The following GLI3 variants were observed in gnomAD, a reference collection of about 807,000 sequenced individuals.
GLI3 encodes the protein GLI family zinc finger 3.
Under a neutral mutation model 100.8 loss-of-function variants are expected in GLI3, and 20 were observed. The ratio of observed to expected loss-of-function variants is 0.20; its 90% CI spans 0.14 to 0.29. The LOEUF (loss-of-function observed/expected upper bound fraction) is 0.29. GLI3 is among the 10% of genes least tolerant of loss of function. GLI3 has a pLI of 1.00. For synonymous variants in GLI3, 938 were observed against 860.5 expected, an observed-to-expected ratio of 1.09 and a Z score of -1.58; for missense variants, 2,040 against 2,128.5, an observed-to-expected ratio of 0.96 and a Z score of 0.82.
chr7:42,203,129 G>T (rs1788080302), intron 2 of GLI3, among the ~76,000 whole-genome samples: 1 of 152,138 alleles, frequency 6.6e-6, no homozygotes, highest in African/African-American at 2.4e-5. Context: ...AAAAAATTGT[G>T]TGTATTTATT....
chr7:42,020,797 G>A (rs1788914410), intron 10 of GLI3, among the ~76,000 whole-genome samples: 1 of 151,898 alleles, frequency 6.6e-6, no homozygotes, highest in African/African-American at 2.4e-5. Context: ...GGCTGAGGCA[G>A]GAGAATGGCG....
At position 42,237,017 on chromosome 7, in the gene GLI3, C is replaced by G. The variant is rs1341704153; in HGVS notation, c.-89G>C. 1 of 150,886 alleles carries G rather than the reference C, an allele frequency of 6.6e-6. No homozygotes were observed. The highest frequency in any genetic ancestry group is 1.5e-5 in the Non-Finnish European group (1 of 67,710). The allele number at this position is 150,886 out of a possible 1,614,324, so 9.3% of individuals were successfully genotyped here. A position where few individuals can be genotyped will look rare whatever the true frequency, so the allele number is the denominator to read the frequency against. ...AGTCCCCGAACTTCCCATAGACCCG[C>G]GGACGGGGCGCAGGCTGGCGGCTCC... On this transcript the variant is annotated 5_prime_UTR_variant, in exon 1 of 15. Coordinates refer to ENST00000395925, the MANE Select transcript of GLI3 (RefSeq NM_000168.6).
At chr7:42,132,559 T>C (rs1376521746) in intron 3 of GLI3, among the ~76,000 whole-genome samples, 2 of 152,196 alleles carry the variant, frequency 1.3e-5, no homozygotes, top group Non-Finnish European at 2.9e-5. Flanking sequence ...AATCAAATAG[T>C]CATCGCATAT....
intron 7 of GLI3, among the ~76,000 whole-genome samples, chr7:42,037,867 C>T (rs1184906505): frequency 6.6e-6 from 1 of 152,078 alleles, no homozygotes; most frequent in African/African-American, 2.4e-5. Flanking sequence ...GATGAGGAGA[C>T]CAGGAGACCG....
At chr7:42,156,930 GT>G (rs1787017320) in intron 2 of GLI3, among the ~76,000 whole-genome samples, 1 of 152,208 alleles carries the variant, frequency 6.6e-6, no homozygotes, top group African/African-American at 2.4e-5. Context: ...TATGTTGCAT[GT>G]TTTTGTTTTT....
At chr7:41,996,303 G>A (rs551978550) in intron 10 of GLI3, among the ~76,000 whole-genome samples, 15 of 149,426 alleles carry the variant, frequency 1.0e-4, no homozygotes, top group East Asian at 9.7e-4. Context: ...TTTTTTCCTC[G>A]AGTCCACATT....
intron 10 of GLI3, among the ~76,000 whole-genome samples, chr7:42,001,314 T>C (rs1788290696): frequency 2.0e-5 from 3 of 148,834 alleles, no homozygotes; most frequent in Admixed American, 2.0e-4. Context: ...AAAGCACAAG[T>C]TAACATAATT....
At chr7:42,107,264 G>A (rs994399796) in intron 3 of GLI3, among the ~76,000 whole-genome samples, 4 of 151,866 alleles carry the variant, frequency 2.6e-5, no homozygotes, top group African/African-American at 4.8e-5. Flanking sequence ...CCGGGAGGTC[G>A]GGGCTGCGTG....
intron 3 of GLI3, among the ~76,000 whole-genome samples, chr7:42,085,204 C>CG (rs1208530295): frequency 1.3e-5 from 2 of 152,020 alleles, no homozygotes; most frequent in Non-Finnish European, 2.9e-5. Context: ...GATCTAACTA[C>CG]GGAGACCCTG....
At chr7:42,060,182 C>G (rs2128746700) in intron 4 of GLI3, among the ~76,000 whole-genome samples, 1 of 152,280 alleles carries the variant, frequency 6.6e-6, no homozygotes, top group South Asian at 2.1e-4. Context: ...AAATGTTGGC[C>G]CCTACAACCA....
chr7:42,081,370 A>G (rs1784993548), intron 3 of GLI3, among the ~76,000 whole-genome samples: 1 of 152,196 alleles, frequency 6.6e-6, no homozygotes, highest in Admixed American at 6.5e-5. Flanking sequence ...CTTACACTAA[A>G]CAGAGATTTG....
chr7:41,971,296 C>A (rs1040866555), intron 13 of GLI3, among the ~76,000 whole-genome samples: 12 of 152,296 alleles, frequency 7.9e-5, no homozygotes, highest in Admixed American at 7.8e-4. Context: ...TCCGTGCATC[C>A]GGCAGTCTGA....
chr7:42,237,444 C>T (rs1428354730), upstream of GLI3, among the ~76,000 whole-genome samples: 1 of 152,082 alleles, frequency 6.6e-6, no homozygotes, highest in Non-Finnish European at 1.5e-5. Flanking sequence ...GCCTGGTGCC[C>T]CGTGCTGGGT....
chr7:42,077,932 G>T (rs538780837), intron 3 of GLI3, among the ~76,000 whole-genome samples: 1 of 152,132 alleles, frequency 6.6e-6, no homozygotes, highest in Admixed American at 6.5e-5. Flanking sequence ...CAAATGTGAC[G>T]GGTCCACACT....
chr7:41,963,067 G>A lies in GLI3; in HGVS notation c.*1263C>T, dbSNP rs886062324. 6.6e-5 allele frequency: 10 copies of A among 152,170 alleles called. No homozygotes were observed. Among genetic ancestry groups the A allele is most frequent in the Admixed American group, 2.6e-4 (4 of 15,278 alleles). The allele number at this position is 152,170 out of a possible 1,614,324, so 9.4% of individuals were successfully genotyped here. On this transcript the variant is annotated 3_prime_UTR_variant, in exon 15 of 15. Transcript: ENST00000395925. ...CTAACTGCATGTAACATTTAACTTC[G>A]TGAATGGATGCAGCATTCAATAGAC...
chr7:42,124,118 C>A (rs1786069184), intron 3 of GLI3, among the ~76,000 whole-genome samples: 1 of 152,062 alleles, frequency 6.6e-6, no homozygotes. Context: ...GAGGAGTTAC[C>A]CTTAAAATAG....
chr7:41,973,048 A>G (rs1331644314), intron 12 of GLI3, among the ~76,000 whole-genome samples: 6 of 152,210 alleles, frequency 3.9e-5, no homozygotes, highest in South Asian at 2.1e-4. Context: ...CACACCTTTC[A>G]GAAGAGATTG....
At chr7:42,120,164 A>C (rs1785960655) in intron 3 of GLI3, among the ~76,000 whole-genome samples, 1 of 152,222 alleles carries the variant, frequency 6.6e-6, no homozygotes, top group Non-Finnish European at 1.5e-5. Context: ...CACTGCCCTG[A>C]TTAAAAAATA....
chr7:42,263,648 A>G (rs1181654332), intron 1 of GLI3, among the ~76,000 whole-genome samples: 1 of 152,022 alleles, frequency 6.6e-6, no homozygotes, highest in African/African-American at 2.4e-5. Context: ...GGGTTTCACC[A>G]TGTTGGCCTG....
Sources: gnomAD v4.1 joint callset for allele counts (sites outside exome capture counted in the v4.1 genomes callset) on GRCh38, gnomAD v4.1.1 for gene constraint, MANE v1.5 for transcripts, NCBI Gene and HGNC (gene_info 2026-07-23, HGNC 2026-07-21) for gene names.